The following SLC25A15 variants were observed in gnomAD, a reference collection of about 807,000 sequenced individuals.
The protein encoded by SLC25A15 is solute carrier family 25 member 15.
SLC25A15 carries 24 observed loss-of-function variants against 32.3 expected under a neutral mutation model. The ratio of observed to expected loss-of-function variants is 0.74; its 90% CI spans 0.54 to 1.04. The LOEUF (loss-of-function observed/expected upper bound fraction) is 1.04, where lower values mean the gene tolerates loss of function less well. SLC25A15 is among the 50% of genes least tolerant of loss of function. The pLI is 0.00. For synonymous variants in SLC25A15, 132 were observed against 142.1 expected (o/e 0.93, Z 0.51); for missense variants, 317 against 374.5 (o/e 0.85, Z 1.27).
At chr13:40,801,329 C>T (rs1460584896) in intron 3 of SLC25A15, among the ~76,000 whole-genome samples, 4 of 150,004 alleles carry the variant, frequency 2.7e-5, no homozygotes, top group African/African-American at 9.8e-5. Flanking sequence ...TTTTTTCCAT[C>T]CTGAGGAACA....
chr13:40,805,853 G>C (rs1483693339), intron 4 of SLC25A15, among the ~76,000 whole-genome samples: 1 of 152,174 alleles, frequency 6.6e-6, no homozygotes, highest in Non-Finnish European at 1.5e-5. Context: ...ATTATCCTTT[G>C]AGAGTACTGT....
chr13:40,796,707 C>T (rs914957165), intron 2 of SLC25A15, among the ~76,000 whole-genome samples: 1 of 152,114 alleles, frequency 6.6e-6, no homozygotes. Flanking sequence ...GGGCCTGGTC[C>T]TGTGGTGTGA....
In SLC25A15 at chr13:40,805,215, T is replaced by C. The variant is rs764993422; in HGVS notation, c.412T>C (p.Tyr138His). 8 of 1,614,176 alleles carry C rather than the reference T, an allele frequency of 5.0e-6. No individual in the cohort carries two copies. ...CGTGAAGTGCCGGCTGCAGACCATG[T>C]ATGAGATGGAGACATCAGGGAAGAT... ...ELVKCRLQTMYEMETSGKIAK... is the reference protein window; with the variant it reads ...ELVKCRLQTMHEMETSGKIAK... Residue 138 changes from tyrosine (Y) to histidine (H), a missense_variant, in exon 4 of 7, where the codon TAT becomes CAT. Tyr to His is a moderately conservative substitution (Grantham distance 83). Transcript: ENST00000338625.
chr13:40,793,665 A>G (rs1881583237), intron 2 of SLC25A15, among the ~76,000 whole-genome samples: 1 of 152,046 alleles, frequency 6.6e-6, no homozygotes, highest in South Asian at 2.1e-4. Context: ...TTCCTCAACT[A>G]CTCTCTAAAT....
At chr13:40,807,194 AC>A in intron 4 of SLC25A15, 99 bp from the exon 5 acceptor site, 1 of 1,079,516 alleles carries the variant, frequency 9.3e-7, no homozygotes, top group South Asian at 1.3e-5. Flanking sequence ...CTTCTTCCTT[AC>A]TAGTGCTTGA....
At chr13:40,809,479 C>T (rs1882352135) in intron 6 of SLC25A15, 64 bp from the exon 7 acceptor site, 1 of 1,603,394 alleles carries the variant, frequency 6.2e-7, no homozygotes, top group Non-Finnish European at 8.5e-7. Context: ...CTATGCTATG[C>T]AGCTGCGTGG....
At position 40,799,192 on chromosome 13, in the gene SLC25A15, A is replaced by G. The variant is rs769512206; in HGVS notation, c.191A>G (p.Tyr64Cys). 6.2e-7 allele frequency: 1 copy of G among 1,614,214 alleles called. No individual in the cohort carries two copies. The highest frequency in any genetic ancestry group is 8.5e-7 in the Non-Finnish European group (1 of 1,180,040). The change falls in exon 3 of 7, where the codon TAC becomes TGC. Residue 64 changes from tyrosine (Y) to cysteine (C), a missense_variant. Coordinates refer to ENST00000338625, the MANE Select transcript of SLC25A15 (RefSeq NM_014252.4). ...TCCCAGGTGGGCTTCCGTGGCTTCT[A>G]CAAGGGTACCAGTCCAGCACTAATC... ...TYSQVGFRGF[Y>C]KGTSPALIAN...
In SLC25A15 at chr13:40,794,953, G is replaced by A. The variant is rs548662701; in HGVS notation, c.55+1672G>A. On this transcript the variant is annotated intron_variant, in intron 2 of 6. Coordinates refer to ENST00000338625, the MANE Select transcript of SLC25A15 (RefSeq NM_014252.4). Reference sequence around the variant, plus strand: ...TAATGAGGAAGACTGGAGAGAGCGCGTCACCGTCACCGAGCCTAATGAGGA... The same window carrying A: ...TAATGAGGAAGACTGGAGAGAGCGCATCACCGTCACCGAGCCTAATGAGGA... 9.2e-5 allele frequency among the ~76,000 whole-genome samples: 14 copies of A among 152,302 alleles called. No homozygotes were observed. The South Asian group carries it at 2.9e-3, about 32-fold the overall frequency.
chr13:40,806,556 G>A (rs1260760747), intron 4 of SLC25A15, among the ~76,000 whole-genome samples: 3 of 152,184 alleles, frequency 2.0e-5, no homozygotes, highest in Non-Finnish European at 4.4e-5. Context: ...GCTGGCTGAT[G>A]GGGAATACCT....
In SLC25A15 at chr13:40,811,451, T is replaced by C. The variant is rs1248733284; in HGVS notation, c.*1784T>C. On this transcript the variant is annotated 3_prime_UTR_variant, in exon 7 of 7. Coordinates refer to ENST00000338625, the MANE Select transcript of SLC25A15 (RefSeq NM_014252.4). ...TTGCAGTGAACTGAGATTGTGCCAC[T>C]GCACTCCAGACTGGGTGACACAGCG... is the stretch of plus-strand genomic sequence containing the variant. 6.6e-6 allele frequency among the ~76,000 whole-genome samples: 1 copy of C among 151,760 alleles called. No homozygotes were observed. The highest frequency in any genetic ancestry group is 1.5e-5 in the Non-Finnish European group (1 of 67,964).
At chr13:40,794,033 G>A (rs1881593977) in intron 2 of SLC25A15, among the ~76,000 whole-genome samples, 2 of 152,158 alleles carry the variant, frequency 1.3e-5, no homozygotes, top group Admixed American at 6.5e-5. Context: ...AAAGAAAGGA[G>A]GACACTCTTA....
chr13:40,796,137 C>T (rs935501141), intron 2 of SLC25A15, among the ~76,000 whole-genome samples: 2 of 152,158 alleles, frequency 1.3e-5, no homozygotes, highest in South Asian at 2.1e-4. Flanking sequence ...CCCACGGAAG[C>T]GATCCATCTG....
chr13:40,812,304 T>G lies in SLC25A15; in HGVS notation c.*2637T>G, dbSNP rs969711320. ...GCAAGTGGAAATGAGGAACGGAAACTTAGGTTGGGAGAATATTTTTTTTTT... is the reference window on the plus strand; with the variant it reads ...GCAAGTGGAAATGAGGAACGGAAACGTAGGTTGGGAGAATATTTTTTTTTT... On this transcript the variant is annotated 3_prime_UTR_variant, in exon 7 of 7. Coordinates refer to ENST00000338625, the MANE Select transcript of SLC25A15 (RefSeq NM_014252.4). Among the ~76,000 whole-genome samples, 1 of 152,172 alleles carries G rather than the reference T, an allele frequency of 6.6e-6. No individual in the cohort carries two copies. The highest frequency in any genetic ancestry group is 1.5e-5 in the Non-Finnish European group (1 of 68,024).
intron 2 of SLC25A15, among the ~76,000 whole-genome samples, chr13:40,798,257 G>A (rs1481804428): frequency 2.7e-5 from 4 of 148,190 alleles, no homozygotes; most frequent in Non-Finnish European, 5.9e-5. Flanking sequence ...TCCAGCCTGG[G>A]TGACAGAGCA....
At chr13:40,806,939 C>A (rs2282025) in intron 4 of SLC25A15, among the ~76,000 whole-genome samples, 52,884 of 151,908 alleles carry the variant, frequency 0.35, 9,910 homozygotes, top group Middle Eastern at 0.46. Context: ...GTCTTGTCTT[C>A]AGACAACATT....
Position 40,791,125 on chromosome 13 carries a change from G to A in SLC25A15, c.-70+1462G>A, listed in dbSNP as rs536400843. On this transcript the variant is annotated intron_variant, in intron 1 of 6. Coordinates refer to ENST00000338625, the MANE Select transcript of SLC25A15 (RefSeq NM_014252.4). Reference sequence around the variant, plus strand: ...AATATAGGGTTGGGTGTTTTGTGTTGCCTTTGGCCAGGTTGAAATACTCAG... The same window carrying A: ...AATATAGGGTTGGGTGTTTTGTGTTACCTTTGGCCAGGTTGAAATACTCAG... 7.9e-5 allele frequency among the ~76,000 whole-genome samples: 12 copies of A among 151,840 alleles called. No homozygotes were observed. The South Asian group carries it at 1.9e-3, about 24-fold the overall frequency.
chr13:40,792,026 T>A (rs1408078826), intron 1 of SLC25A15, among the ~76,000 whole-genome samples: 1 of 152,226 alleles, frequency 6.6e-6, no homozygotes, highest in Non-Finnish European at 1.5e-5. Context: ...TGTTCCTTAT[T>A]ATTTGCAAAT....
intron 1 of SLC25A15, among the ~76,000 whole-genome samples, chr13:40,790,629 C>T (rs1881445648): frequency 6.6e-6 from 1 of 152,254 alleles, no homozygotes; most frequent in South Asian, 2.1e-4. Context: ...CTCTTGTTGC[C>T]CAGGCTGGAG....
In SLC25A15 at chr13:40,805,111, C is replaced by T. The variant is rs2138053984; in HGVS notation, c.315-7C>T. On this transcript the variant is annotated splice_region_variant and splice_polypyrimidine_tract_variant and intron_variant, in intron 3 of 6. Transcript: ENST00000338625. ...TGAGGGGTAACTGTCTGCTTGTGTG[C>T]TTTCAGTGATCTGCAGAATGCAGCC... is the stretch of plus-strand genomic sequence containing the variant. The T allele has an allele frequency of 1.2e-6, 2 of 1,614,016 alleles. No homozygotes were observed. Among genetic ancestry groups the T allele is most frequent in the Non-Finnish European group, 1.7e-6 (2 of 1,179,944 alleles).
Sources: allele counts gnomAD v4.1 joint callset (sites outside exome capture counted in the v4.1 genomes callset), GRCh38; gene constraint gnomAD v4.1.1; transcripts MANE v1.5; gene names NCBI Gene and HGNC (gene_info 2026-07-23, HGNC 2026-07-21).